BTAF1: variants seen among roughly 807,000 people sequenced by gnomAD.
BTAF1 encodes the protein TATA-binding protein-associated factor 172.
In BTAF1, 38 loss-of-function variants were observed where a neutral mutation model predicts 227.1. The ratio of observed to expected loss-of-function variants is 0.17; its 90% CI spans 0.13 to 0.22. The LOEUF is 0.22. BTAF1 is among the 10% of genes least tolerant of loss of function. The pLI is 1.00. For synonymous variants in BTAF1, 742 were observed against 751.9 expected, an observed-to-expected ratio of 0.99 and a Z score of 0.21; for missense variants, 1,598 against 2,204.0, an observed-to-expected ratio of 0.73 and a Z score of 5.51.
rs2134180774 is a variant in BTAF1 at position 92,024,985 on chromosome 10, C to T, written c.5075+18C>T. 6.3e-7 allele frequency: 1 copy of T among 1,591,852 alleles called. No homozygotes were observed. The highest frequency in any genetic ancestry group is 1.1e-5 in the South Asian group (1 of 89,528). On this transcript the variant is annotated intron_variant, in intron 35 of 37. Coordinates refer to ENST00000265990, the MANE Select transcript of BTAF1 (RefSeq NM_003972.3). The stretch of plus-strand genomic sequence containing the variant: ...GTTTCCCGGTAAGTGGCTTCTAAGA[C>T]TCTTATTCATAAATAAATATATTAT...
chr10:91,962,478 T>C (rs1846594584), intron 11 of BTAF1, 60 bp from the exon 12 acceptor site: 1 of 1,259,596 alleles, frequency 7.9e-7, no homozygotes. Context: ...AATTTTAAAA[T>C]GTTTAAGCAC....
chr10:91,943,097 T>A (rs1168641127), intron 4 of BTAF1, among the ~76,000 whole-genome samples: 1 of 152,166 alleles, frequency 6.6e-6, no homozygotes. Flanking sequence ...GTGGATCACC[T>A]GAGGTCAGGA....
At chr10:91,959,028 A>AT (rs1564673753) in intron 8 of BTAF1, 37 bp from the exon 9 acceptor site, 1 of 1,580,504 alleles carries the variant, frequency 6.3e-7, no homozygotes, top group African/African-American at 1.4e-5. Flanking sequence ...TTTCTTAAAC[A>AT]TTTAACATCT....
chr10:91,961,506 G>A (rs957272739), intron 11 of BTAF1, among the ~76,000 whole-genome samples: 8 of 149,976 alleles, frequency 5.3e-5, no homozygotes, highest in African/African-American at 1.7e-4. Flanking sequence ...TGATTCTGCT[G>A]AGAGACCTGA....
chr10:91,994,793 A>G (rs1849026594), intron 23 of BTAF1, 149 bp downstream of exon 23: 1 of 621,038 alleles, frequency 1.6e-6, no homozygotes, highest in Non-Finnish European at 2.8e-6. Context: ...TCCTTTACTA[A>G]CAGTGCAACT....
chr10:91,983,569 C>T (rs554826758), intron 18 of BTAF1, among the ~76,000 whole-genome samples: 1 of 152,270 alleles, frequency 6.6e-6, no homozygotes, highest in East Asian at 1.9e-4. Flanking sequence ...TTTTGTGCCT[C>T]TCAGACTTAG....
intron 1 of BTAF1, 37 bp from the exon 2 acceptor site, chr10:91,935,620 G>A: frequency 6.2e-7 from 1 of 1,605,446 alleles, no homozygotes; most frequent in Non-Finnish European, 8.5e-7. Flanking sequence ...ACGAGGAAAA[G>A]CATTTGAGAA....
At chr10:91,984,968 C>T (rs990426541) in intron 19 of BTAF1, among the ~76,000 whole-genome samples, 2 of 152,034 alleles carry the variant, frequency 1.3e-5, no homozygotes, top group South Asian at 4.2e-4. Context: ...ATATAATTAA[C>T]TAAAATTCAG....
In BTAF1 at chr10:91,951,378, A is replaced by ACTTCTT. The variant is rs1325287851; in HGVS notation, c.401-25_401-24insCTTCTT. ...GAAAACTTCTTAACTGATTTGGAGA[A>ACTTCTT]AACGTATTTCTTTTCTGTTGAAAGG... On this transcript the variant is annotated intron_variant, in intron 4 of 37. Transcript: ENST00000265990. The ACTTCTT allele has an allele frequency of 8.8e-6, 14 of 1,597,018 alleles. No homozygotes were observed. In the African/African-American group the frequency reaches 1.8e-4, roughly 20 times the overall value.
At position 91,966,500 on chromosome 10, in the gene BTAF1, T is replaced by C. The variant is rs1589829548; in HGVS notation, c.1530-137T>C. ...TACATGAATGTTCATATGAAAACTG[T>C]ATTATCTTTTAAGAATTTATTCATC... is the stretch of plus-strand genomic sequence containing the variant. On this transcript the variant is annotated intron_variant, in intron 13 of 37. Coordinates refer to ENST00000265990, the MANE Select transcript of BTAF1 (RefSeq NM_003972.3). The C allele has an allele frequency of 8.4e-6, 7 of 835,388 alleles. No homozygotes were observed. The East Asian group carries it at 1.8e-4, about 22-fold the overall frequency. 51.7% of individuals were successfully genotyped at this position (835,388 alleles called of 1,614,324 possible).
At chr10:91,969,995 G>A (rs1847180143) in intron 14 of BTAF1, among the ~76,000 whole-genome samples, 1 of 150,422 alleles carries the variant, frequency 6.6e-6, no homozygotes, top group Admixed American at 6.6e-5. Flanking sequence ...CCAATTTTTA[G>A]TCCCTCAATG....
intron 14 of BTAF1, among the ~76,000 whole-genome samples, chr10:91,974,313 G>A (rs1847530939): frequency 6.6e-6 from 1 of 152,148 alleles, no homozygotes; most frequent in African/African-American, 2.4e-5. Flanking sequence ...TAAGGGAGAT[G>A]TCCTTATTTT....
intron 1 of BTAF1, among the ~76,000 whole-genome samples, chr10:91,933,785 T>TA (rs1329091160): frequency 2.0e-5 from 3 of 152,210 alleles, no homozygotes; most frequent in Non-Finnish European, 2.9e-5. Flanking sequence ...GCTTGGCAGT[T>TA]AAAGTGTTCT....
rs1031980478 is a variant in BTAF1, at chr10:92,027,139, G to A, written c.5245G>A (p.Val1749Ile). ...RAHRIGQKRVVNVYRLITRGT... is the reference protein window; with the variant it reads ...RAHRIGQKRVINVYRLITRGT... ...TGTTTTTCTTATCCAGAAACGTGTG[G>A]TTAACGTATACCGATTGATAACCAG... The change falls in exon 37 of 38, where the codon GTT becomes ATT. Residue 1749 changes from valine to isoleucine, a missense_variant. Transcript: ENST00000265990. The A allele has an allele frequency of 1.2e-6, 2 of 1,611,902 alleles. No individual in the cohort carries two copies. Among genetic ancestry groups the A allele is most frequent in the African/African-American group, 1.3e-5 (1 of 74,888 alleles).
At position 91,965,107 on chromosome 10, in the gene BTAF1, A is replaced by C. The variant is rs538634236; in HGVS notation, c.1529+906A>C. Among the ~76,000 whole-genome samples, 6 of 152,288 alleles carry C rather than the reference A, an allele frequency of 3.9e-5. No homozygotes were observed. In the South Asian group the frequency reaches 1.2e-3, roughly 32 times the overall value. ...TAAGTTTAGATTAGTTGGATAGCCT[A>C]TAAGTAGGAATAGCAAAATAAGTGC... is the stretch of plus-strand genomic sequence containing the variant. On this transcript the variant is annotated intron_variant, in intron 13 of 37. Coordinates refer to ENST00000265990, the MANE Select transcript of BTAF1 (RefSeq NM_003972.3).
intron 25 of BTAF1, among the ~76,000 whole-genome samples, chr10:92,007,482 C>T (rs945786398): frequency 6.6e-6 from 1 of 152,002 alleles, no homozygotes; most frequent in Non-Finnish European, 1.5e-5. Flanking sequence ...CTCCTGCAGT[C>T]CTGGGGCTGG....
intron 36 of BTAF1, among the ~76,000 whole-genome samples, 187 bp from the exon 37 acceptor site, chr10:92,026,943 C>G (rs542079129): frequency 6.6e-6 from 1 of 152,210 alleles, no homozygotes; most frequent in East Asian, 1.9e-4. Context: ...TTAGGAAAAC[C>G]TGGATCACTG....
Position 91,928,760 on chromosome 10 carries a change from T to TCCCCC in BTAF1, c.14+4679_14+4683dup, listed in dbSNP as rs60208547. On this transcript the variant is annotated intron_variant, in intron 1 of 37. Transcript: ENST00000265990. ...GCCTGGGCAACAGAGCAAGAATCCA[T>TCCCCC]CCCCCCCCCCCCCGCCCCCCAAAAA... 5.3e-3 allele frequency among the ~76,000 whole-genome samples: 587 copies of TCCCCC among 111,784 alleles called. 5 individuals carry two copies. The highest frequency in any genetic ancestry group is 0.01 in the African/African-American group (237 of 23,038). 73.3% of individuals were successfully genotyped at this position (111,784 alleles called of 152,430 possible).
Position 92,029,604 on chromosome 10 carries a change from G to A in BTAF1, c.*671G>A, listed in dbSNP as rs890594270. On this transcript the variant is annotated 3_prime_UTR_variant, in exon 38 of 38. Coordinates refer to ENST00000265990, the MANE Select transcript of BTAF1 (RefSeq NM_003972.3). ...GCTACCATAACATCCTATTTAGAGG[G>A]TGGTTTTTTTTAATTTATCTAATGG... 2 of 151,706 alleles carry A rather than the reference G, an allele frequency of 1.3e-5. No individual in the cohort carries two copies. The highest frequency in any genetic ancestry group is 4.8e-5 in the African/African-American group (2 of 41,310). 9.4% of individuals were successfully genotyped at this position (151,706 alleles called of 1,614,324 possible).
Sources: allele counts gnomAD v4.1 joint callset (sites outside exome capture counted in the v4.1 genomes callset), GRCh38; gene constraint gnomAD v4.1.1; transcripts MANE v1.5; gene names NCBI Gene and HGNC (gene_info 2026-07-23, HGNC 2026-07-21).